ATP10A: variants seen among roughly 807,000 people sequenced by gnomAD.
The protein encoded by ATP10A is ATPase phospholipid transporting 10A (putative).
Under a neutral mutation model 147.8 loss-of-function variants are expected in ATP10A, and 111 were observed. The ratio of observed to expected loss-of-function variants is 0.75; its 90% confidence interval spans 0.64 to 0.88. The LOEUF is 0.88. Ranked by LOEUF, ATP10A falls within the 40% of genes least tolerant of loss-of-function variation. The pLI, the probability that ATP10A is intolerant of heterozygous loss-of-function variation, is 0.00. For missense variants in ATP10A, 1,927 were observed against 1,959.0 expected, an observed-to-expected ratio of 0.98 and a Z score of 0.31; for synonymous variants, 875 against 841.6, an observed-to-expected ratio of 1.04 and a Z score of -0.69.
intron 10 of ATP10A, 40 bp from the exon 11 acceptor site, chr15:25,708,340 C>A (rs768705258): frequency 3.2e-6 from 5 of 1,569,422 alleles, no homozygotes; most frequent in Admixed American, 3.3e-5. Flanking sequence ...TAAGAACTGG[C>A]GCCTGTGGAA....
chr15:25,750,579 G>A (rs1020349111), intron 2 of ATP10A, among the ~76,000 whole-genome samples: 3 of 152,096 alleles, frequency 2.0e-5, no homozygotes, highest in African/African-American at 7.2e-5. Context: ...TCATCCTTAA[G>A]CTCTAGGTGA....
rs538068038 is a variant in ATP10A at position 25,698,662 on chromosome 15, T to A, written c.2760+3254A>T. Among the ~76,000 whole-genome samples the A allele has an allele frequency of 2.6e-5, 4 of 152,292 alleles. No homozygotes were observed. In the East Asian group the frequency reaches 7.7e-4, roughly 29 times the overall value. ...AAGGGTCAACTGTACTATAAACTGA[T>A]GGAAAATAAAAATTTAAAAATACTA... On this transcript the variant is annotated intron_variant, in intron 13 of 20. Coordinates refer to ENST00000555815, the MANE Select transcript of ATP10A (RefSeq NM_024490.4).
rs546258061 is a variant in ATP10A, at chr15:25,792,213, T to C, written c.450-10990A>G. 2.6e-4 allele frequency among the ~76,000 whole-genome samples: 40 copies of C among 152,338 alleles called. 1 individual carries two copies. The highest frequency in any genetic ancestry group is 8.2e-4 in the African/African-American group (34 of 41,586). On this transcript the variant is annotated intron_variant, in intron 1 of 20. Transcript: ENST00000555815. ...CCATTAATCTACTTGTCCTTTCTCA[T>C]GTCAACCCCACATGGCATGGTAGTA... is the stretch of plus-strand genomic sequence containing the variant.
chr15:25,729,212 C>T (rs1233240662), intron 3 of ATP10A, among the ~76,000 whole-genome samples: 107 of 152,138 alleles, frequency 7.0e-4, no homozygotes, highest in Non-Finnish European at 2.9e-5. Flanking sequence ...TTTGGACAGG[C>T]GTGGTGGCTC....
intron 1 of ATP10A, among the ~76,000 whole-genome samples, chr15:25,822,071 A>C (rs1052115903): frequency 2.1e-4 from 32 of 152,228 alleles, no homozygotes; most frequent in Non-Finnish European, 3.8e-4. Context: ...ACAGACTTTC[A>C]ATCATCTCTA....
chr15:25,807,204 C>T (rs1891225740), intron 1 of ATP10A, among the ~76,000 whole-genome samples: 2 of 152,234 alleles, frequency 1.3e-5, no homozygotes, highest in South Asian at 4.1e-4. Context: ...ATGTCATCCA[C>T]TCTCCTACCT....
chr15:25,754,309 T>C (rs1222657117), intron 2 of ATP10A, among the ~76,000 whole-genome samples: 2 of 152,168 alleles, frequency 1.3e-5, no homozygotes, highest in Non-Finnish European at 2.9e-5. Context: ...AATTTGTTTG[T>C]ATTTTTAGTA....
At chr15:25,721,106 T>TC (rs573052166) in intron 7 of ATP10A, among the ~76,000 whole-genome samples, 1,915 of 152,002 alleles carry the variant, frequency 0.013, 23 homozygotes, top group South Asian at 0.047. Context: ...AGCTGGTGTC[T>TC]CCCCAGAGAC....
intron 16 of ATP10A, among the ~76,000 whole-genome samples, chr15:25,684,253 A>G (rs1899588598): frequency 6.6e-6 from 1 of 152,226 alleles, no homozygotes; most frequent in African/African-American, 2.4e-5. Flanking sequence ...TAGATTCCTG[A>G]ATATCAGCAG....
chr15:25,679,855 C>A lies in ATP10A; in HGVS notation c.3986G>T (p.Arg1329Leu), dbSNP rs147816025. Reference protein sequence around the residue: ...SAPKETFAQGRLPKDSGTEHS... With the variant: ...SAPKETFAQGLLPKDSGTEHS... ...CTCGGTTCCCGAGTCCTTCGGGAGG[C>A]GTCCCTGAGCAAAGGTCTCTTTGGG... The change falls in exon 21 of 21, where the codon CGC becomes CTC. Residue 1329 changes from arginine to leucine, a missense_variant. Physicochemically the swap from Arg to Leu is moderately radical, Grantham distance 102. Coordinates refer to ENST00000555815, the MANE Select transcript of ATP10A (RefSeq NM_024490.4). The A allele has an allele frequency of 1.2e-6, 2 of 1,610,254 alleles. No individual in the cohort carries two copies. The highest frequency in any genetic ancestry group is 1.7e-6 in the Non-Finnish European group (2 of 1,179,920).
At chr15:25,722,752 C>T (rs1225876588) in intron 6 of ATP10A, among the ~76,000 whole-genome samples, 1 of 152,182 alleles carries the variant, frequency 6.6e-6, no homozygotes, top group Non-Finnish European at 1.5e-5. Context: ...AAGGTTCCCT[C>T]CTAGGCAAAG....
chr15:25,723,287 G>T (rs1223946806), intron 6 of ATP10A, among the ~76,000 whole-genome samples: 1 of 151,778 alleles, frequency 6.6e-6, no homozygotes, highest in Non-Finnish European at 1.5e-5. Flanking sequence ...AGTGGAGGTT[G>T]CAGTGAGCCA....
At position 25,786,641 on chromosome 15, in the gene ATP10A, T is replaced by C. The variant is rs796265379; in HGVS notation, c.450-5418A>G. On this transcript the variant is annotated intron_variant, in intron 1 of 20. Coordinates refer to ENST00000555815, the MANE Select transcript of ATP10A (RefSeq NM_024490.4). ...TCTTTTTTTTTTTTTTTTTTTTTTTTTTGAGGCGGAGTCTCGCTCCATCCC... is the reference window on the plus strand; with the variant it reads ...TCTTTTTTTTTTTTTTTTTTTTTTTCTTGAGGCGGAGTCTCGCTCCATCCC... Among the ~76,000 whole-genome samples the C allele has an allele frequency of 2.3e-3, 199 of 85,586 alleles. 1 individual carries two copies. The highest frequency in any genetic ancestry group is 8.1e-3 in the African/African-American group (189 of 23,300). 56.1% of individuals were successfully genotyped at this position (85,586 alleles called of 152,430 possible). A position where few individuals can be genotyped will look rare whatever the true frequency, so the allele number is the denominator to read the frequency against.
intron 1 of ATP10A, among the ~76,000 whole-genome samples, chr15:25,835,690 T>C (rs1664574627): frequency 6.6e-6 from 1 of 152,196 alleles, no homozygotes; most frequent in African/African-American, 2.4e-5. Flanking sequence ...TGGAGTGCAG[T>C]GGTACTATCA....
intron 1 of ATP10A, among the ~76,000 whole-genome samples, chr15:25,799,464 A>G (rs1890836192): frequency 6.6e-6 from 1 of 152,240 alleles, no homozygotes; most frequent in African/African-American, 2.4e-5. Context: ...CTAAACTCAG[A>G]GATGAACCAA....
chr15:25,695,320 C>G lies in ATP10A; in HGVS notation c.2761-174G>C, dbSNP rs943928937. Among the ~76,000 whole-genome samples, 7 of 152,258 alleles carry G rather than the reference C, an allele frequency of 4.6e-5. No individual in the cohort carries two copies. In the East Asian group the frequency reaches 1.2e-3, roughly 25 times the overall value. ...AGTTCAGCCGGAGAGGATGACTTTCCCCAGAGAAGAGACTGAATTGGTGGC... is the reference window on the plus strand; with the variant it reads ...AGTTCAGCCGGAGAGGATGACTTTCGCCAGAGAAGAGACTGAATTGGTGGC... On this transcript the variant is annotated intron_variant, in intron 13 of 20. Coordinates refer to ENST00000555815, the MANE Select transcript of ATP10A (RefSeq NM_024490.4).
intron 1 of ATP10A, among the ~76,000 whole-genome samples, chr15:25,843,751 T>G (rs757490025): frequency 1.3e-4 from 20 of 152,122 alleles, no homozygotes; most frequent in Non-Finnish European, 2.5e-4. Flanking sequence ...GAAACTCCCA[T>G]CTGAGCTATC....
intron 1 of ATP10A, among the ~76,000 whole-genome samples, chr15:25,786,205 T>G (rs1890151572): frequency 6.6e-6 from 1 of 152,118 alleles, no homozygotes; most frequent in Non-Finnish European, 1.5e-5. Flanking sequence ...GGGCCAGGGC[T>G]GACCACACAG....
intron 1 of ATP10A, among the ~76,000 whole-genome samples, chr15:25,837,205 T>C (rs1486576718): frequency 1.3e-5 from 2 of 152,326 alleles, no homozygotes; most frequent in African/African-American, 4.8e-5. Context: ...GGCTTATTTT[T>C]CCTACCTGCC....
Sources: gnomAD v4.1 joint callset for allele counts (sites outside exome capture counted in the v4.1 genomes callset) on GRCh38, gnomAD v4.1.1 for gene constraint, MANE v1.5 for transcripts, NCBI Gene and HGNC (gene_info 2026-07-23, HGNC 2026-07-21) for gene names.